Variants in PPARA observed in about 807,000 individuals in gnomAD.
The protein encoded by PPARA is peroxisome proliferator activated receptor alpha.
In PPARA, 22 loss-of-function variants were observed where a neutral mutation model predicts 42.2. The observed-to-expected ratio is 0.52, with a 90% CI of 0.37 to 0.74. The LOEUF is 0.74. Among genes scored for constraint, PPARA ranks in the 30% least tolerant of loss-of-function variants. The pLI, the probability that PPARA is intolerant of heterozygous loss-of-function variation, is 0.00. For missense variants in PPARA, 465 were observed against 608.2 expected, an observed-to-expected ratio of 0.76 and a Z score of 2.48; for synonymous variants, 242 against 239.3, an observed-to-expected ratio of 1.01 and a Z score of -0.10.
intron 4 of PPARA, among the ~76,000 whole-genome samples, chr22:46,206,493 T>C (rs1933323591): frequency 6.6e-6 from 1 of 152,216 alleles, no homozygotes; most frequent in Non-Finnish European, 1.5e-5. Context: ...GTTATTTTAG[T>C]AGTTGCTTTA....
chr22:46,199,704 T>C (rs1253360159), intron 4 of PPARA, among the ~76,000 whole-genome samples: 1 of 152,136 alleles, frequency 6.6e-6, no homozygotes, highest in Non-Finnish European at 1.5e-5. Flanking sequence ...ATTTTTATGA[T>C]CCAATTAATG....
chr22:46,152,697 A>G (rs4253617), intron 2 of PPARA, among the ~76,000 whole-genome samples: 9,605 of 152,178 alleles, frequency 0.063, 1,011 homozygotes, highest in African/African-American at 0.22. Flanking sequence ...GGCTGAAGAA[A>G]CGGGCCAGAT....
intron 4 of PPARA, among the ~76,000 whole-genome samples, chr22:46,205,246 C>A (rs1158683658): frequency 6.6e-6 from 1 of 151,004 alleles, no homozygotes; most frequent in East Asian, 1.9e-4. Flanking sequence ...GAGAGAGGGT[C>A]TCACCCTGAG....
chr22:46,229,331 A>T (rs1053053092), intron 7 of PPARA, among the ~76,000 whole-genome samples: 1 of 152,020 alleles, frequency 6.6e-6, no homozygotes, highest in African/African-American at 2.4e-5. Flanking sequence ...AGGTGGACAG[A>T]TTGCCTGAGC....
At chr22:46,205,545 TATA>T (rs1569226191) in intron 4 of PPARA, among the ~76,000 whole-genome samples, 8 of 35,308 alleles carry the variant, frequency 2.3e-4, no homozygotes, top group Non-Finnish European at 3.2e-4. Flanking sequence ...TATATATATA[TATA>T]TATATATTTT....
At chr22:46,205,554 ATTTTTTTT>A (rs1322589111) in intron 4 of PPARA, among the ~76,000 whole-genome samples, 5 of 12,920 alleles carry the variant, frequency 3.9e-4, no homozygotes, top group Non-Finnish European at 4.6e-4. Context: ...ATATATATAT[ATTTTTTTT>A]TTTTTTTTTT....
chr22:46,213,531 C>T (rs1934141173), intron 4 of PPARA, among the ~76,000 whole-genome samples: 1 of 151,960 alleles, frequency 6.6e-6, no homozygotes, highest in Non-Finnish European at 1.5e-5. Flanking sequence ...CCTCAGCCTC[C>T]CAAGTAGCTG....
rs761043509 is a variant in PPARA at position 46,171,117 on chromosome 22, C to T, written c.-126-5636C>T. On this transcript the variant is annotated intron_variant, in intron 2 of 8. Transcript: ENST00000407236. The surrounding 1 kb of genome is among the most constrained non-coding windows in gnomAD (Gnocchi z 5.0). Reference sequence around the variant, plus strand: ...CAGAGATCGCAGTGAGCCAAGACTGCGCCACTGCACTCCAGCCTGGGCAAC... The same window carrying T: ...CAGAGATCGCAGTGAGCCAAGACTGTGCCACTGCACTCCAGCCTGGGCAAC... Among the ~76,000 whole-genome samples the T allele has an allele frequency of 1.3e-5, 2 of 151,710 alleles. No individual in the cohort carries two copies. Among genetic ancestry groups the T allele is most frequent in the Admixed American group, 6.6e-5 (1 of 15,224 alleles).
In PPARA at chr22:46,225,379, A is replaced by G. The variant is rs1030424593; in HGVS notation, c.711+5365A>G. ...GTGCTTTTCAACAGTGTCTAAAAAC[A>G]TAAGATGTTGACCTGTCAGGGGTTG... On this transcript the variant is annotated intron_variant, in intron 7 of 8. Transcript: ENST00000407236. This position sits in a 1 kb window ranked among gnomAD's most constrained non-coding sequence, Gnocchi z 4.1. Among the ~76,000 whole-genome samples the G allele has an allele frequency of 7.2e-5, 11 of 152,274 alleles. No individual in the cohort carries two copies. The highest frequency in any genetic ancestry group is 1.9e-4 in the East Asian group (1 of 5,180).
Position 46,203,015 on chromosome 22 carries a change from C to T in PPARA, c.208+4424C>T, listed in dbSNP as rs1324821773. ...ACACTGAAGCGTCCTGGTCACCCAT[C>T]CCTGGTTTTGACCACCAGCCTTTAA... On this transcript the variant is annotated intron_variant, in intron 4 of 8. Transcript: ENST00000407236. The surrounding 1 kb of genome is among the most constrained non-coding windows in gnomAD (Gnocchi z 5.8). 6.6e-6 allele frequency among the ~76,000 whole-genome samples: 1 copy of T among 152,134 alleles called. No homozygotes were observed. The highest frequency in any genetic ancestry group is 1.5e-5 in the Non-Finnish European group (1 of 68,018).
chr22:46,226,287 A>G (rs994577307), intron 7 of PPARA, among the ~76,000 whole-genome samples: 13 of 152,240 alleles, frequency 8.5e-5, no homozygotes, highest in African/African-American at 2.9e-4. Flanking sequence ...TTTGGGCTTA[A>G]GAAGCAAACT....
chr22:46,169,546 T>C (rs1160021263), intron 2 of PPARA, among the ~76,000 whole-genome samples: 1 of 151,942 alleles, frequency 6.6e-6, no homozygotes, highest in East Asian at 1.9e-4. Context: ...CAATGCAAGA[T>C]GTTAATAACA....
Position 46,235,753 on chromosome 22 carries a change from G to A in PPARA, c.*373G>A, listed in dbSNP as rs1017045061. 3 of 323,556 alleles carry A rather than the reference G, an allele frequency of 9.3e-6. No individual in the cohort carries two copies. Among genetic ancestry groups the A allele is most frequent in the Admixed American group, 4.5e-5 (1 of 22,404 alleles). 20.0% of individuals were successfully genotyped at this position (323,556 alleles called of 1,614,324 possible). On this transcript the variant is annotated 3_prime_UTR_variant, in exon 9 of 9. Transcript: ENST00000407236. The surrounding 1 kb of genome is among the most constrained non-coding windows in gnomAD (Gnocchi z 7.0). ...CGTGGCCTGTCTTCCCATTCACCCC[G>A]CTTTTGACTATTGTGCTCCTTTATA...
Position 46,152,328 on chromosome 22 carries a change from G to C in PPARA, c.-127+358G>C, listed in dbSNP as rs1265337545. The stretch of plus-strand genomic sequence containing the variant: ...TAATTTTTGTAGTTTTAGTAGAGGC[G>C]GGGTTTCACCATCTTGGCCAGGCTG... On this transcript the variant is annotated intron_variant, in intron 2 of 8. Coordinates refer to ENST00000407236, the MANE Select transcript of PPARA (RefSeq NM_005036.6). 2.0e-5 allele frequency among the ~76,000 whole-genome samples: 3 copies of C among 151,736 alleles called. No individual in the cohort carries two copies. The East Asian group carries it at 5.8e-4, about 29-fold the overall frequency.
At position 46,221,525 on chromosome 22, in the gene PPARA, C is replaced by A. The variant is rs1047097886; in HGVS notation, c.711+1511C>A. Reference sequence around the variant, plus strand: ...TAGAAAGGGCCACTTGTAAGCCAGGCGTGGTGGCTCACGCCTGTCATCCCA... The same window carrying A: ...TAGAAAGGGCCACTTGTAAGCCAGGAGTGGTGGCTCACGCCTGTCATCCCA... On this transcript the variant is annotated intron_variant, in intron 7 of 8. Coordinates refer to ENST00000407236, the MANE Select transcript of PPARA (RefSeq NM_005036.6). The surrounding 1 kb of genome is among the most constrained non-coding windows in gnomAD (Gnocchi z 5.9). Among the ~76,000 whole-genome samples, 3 of 152,214 alleles carry A rather than the reference C, an allele frequency of 2.0e-5. No individual in the cohort carries two copies. Among genetic ancestry groups the A allele is most frequent in the African/African-American group, 7.2e-5 (3 of 41,452 alleles).
rs369734799 is a variant in PPARA, at chr22:46,162,467, A to G, written c.-127+10497A>G. On this transcript the variant is annotated intron_variant, in intron 2 of 8. Transcript: ENST00000407236. The surrounding 1 kb of genome is among the most constrained non-coding windows in gnomAD (Gnocchi z 6.0). ...CTGTGACCTCTACCTTTGAGACCTC[A>G]GCTTAAACTCACTCTTAGGGAAGGC... 6.6e-6 allele frequency among the ~76,000 whole-genome samples: 1 copy of G among 152,160 alleles called. No homozygotes were observed. The highest frequency in any genetic ancestry group is 1.9e-4 in the East Asian group (1 of 5,200).
At chr22:46,218,782 T>G (rs1934732126) in intron 6 of PPARA, among the ~76,000 whole-genome samples, 2 of 145,842 alleles carry the variant, frequency 1.4e-5, no homozygotes, top group South Asian at 2.1e-4. Context: ...TGCAGTGAGC[T>G]GAGATTGCGC....
Position 46,236,733 on chromosome 22 carries a change from G to A in PPARA, c.*1353G>A, listed in dbSNP as rs548515671. 6.5e-6 allele frequency: 1 copy of A among 152,760 alleles called. No homozygotes were observed. Among genetic ancestry groups the A allele is most frequent in the South Asian group, 2.1e-4 (1 of 4,830 alleles). 9.5% of individuals were successfully genotyped at this position (152,760 alleles called of 1,614,324 possible). ...CATAGCCTGGGCTGGGTGGGAGCCA[G>A]TCACCCTGCGGATCGAGAGAGGGGG... On this transcript the variant is annotated 3_prime_UTR_variant, in exon 9 of 9. Transcript: ENST00000407236. This position sits in a 1 kb window ranked among gnomAD's most constrained non-coding sequence, Gnocchi z 5.2.
rs748956871 is a variant in PPARA, at chr22:46,200,240, G to T, written c.208+1649G>T. Among the ~76,000 whole-genome samples, 3 of 152,210 alleles carry T rather than the reference G, an allele frequency of 2.0e-5. No homozygotes were observed. The highest frequency in any genetic ancestry group is 4.4e-5 in the Non-Finnish European group (3 of 68,034). On this transcript the variant is annotated intron_variant, in intron 4 of 8. Transcript: ENST00000407236. The surrounding 1 kb of genome is among the most constrained non-coding windows in gnomAD (Gnocchi z 4.8). Reference sequence around the variant, plus strand: ...ATAAACCTGGGTGGTGTGTACATGGGTATTACAGTCATGTTGCTTAATGAC... The same window carrying T: ...ATAAACCTGGGTGGTGTGTACATGGTTATTACAGTCATGTTGCTTAATGAC...
Sources: allele counts gnomAD v4.1 joint callset (sites outside exome capture counted in the v4.1 genomes callset), GRCh38; gene constraint gnomAD v4.1.1; non-coding constraint Gnocchi (gnomAD v3.1); transcripts MANE v1.5; gene names NCBI Gene and HGNC (gene_info 2026-07-23, HGNC 2026-07-21).